Variants in CDK17 observed in about 807,000 individuals in gnomAD.
CDK17 encodes the protein cyclin-dependent kinase 17.
A neutral mutation model predicts 77.6 loss-of-function variants in CDK17; 24 were observed. That is an observed-to-expected ratio of 0.31 (90% CI 0.22 to 0.44). CDK17 has a LOEUF of 0.44. CDK17 is among the 20% of genes least tolerant of loss of function. CDK17 has a pLI of 1.00. For missense variants in CDK17, 429 were observed against 622.5 expected, an observed-to-expected ratio of 0.69 and a Z score of 3.31; for synonymous variants, 203 against 210.4, an observed-to-expected ratio of 0.96 and a Z score of 0.30.
intron 1 of CDK17, among the ~76,000 whole-genome samples, chr12:96,351,856 T>A (rs1422483587): frequency 6.6e-6 from 1 of 152,204 alleles, no homozygotes; most frequent in Admixed American, 6.5e-5. Context: ...TATATCAGGA[T>A]TAGCGCTTTA....
At chr12:96,292,508 G>A (rs1187070919) in intron 10 of CDK17, among the ~76,000 whole-genome samples, 1 of 152,090 alleles carries the variant, frequency 6.6e-6, no homozygotes, top group African/African-American at 2.4e-5. Context: ...GGGAGGCTGA[G>A]GCACCAGAAT....
intron 5 of CDK17, among the ~76,000 whole-genome samples, chr12:96,305,725 CT>C (rs566356134): frequency 1.1e-4 from 16 of 150,966 alleles, no homozygotes; most frequent in Middle Eastern, 3.4e-3. Flanking sequence ...TGGCCACCCC[CT>C]TTTTTTTTGA....
Position 96,279,964 on chromosome 12 carries a change from T to C in CDK17, c.*278A>G. 1 of 345,392 alleles carries C rather than the reference T, an allele frequency of 2.9e-6. No individual in the cohort carries two copies. The highest frequency in any genetic ancestry group is 5.2e-6 in the Non-Finnish European group (1 of 192,034). 21.4% of individuals were successfully genotyped at this position (345,392 alleles called of 1,614,324 possible). On this transcript the variant is annotated 3_prime_UTR_variant, in exon 17 of 17. Transcript: ENST00000261211. ...ATAAATAATGCACTGTGTTTCTCAG[T>C]CCTGCACAAAAATTGCAGCTATAGT...
At chr12:96,294,159 T>C (rs1226835470) in intron 10 of CDK17, among the ~76,000 whole-genome samples, 3 of 152,214 alleles carry the variant, frequency 2.0e-5, no homozygotes, top group Admixed American at 6.5e-5. Context: ...GAGTTTTATG[T>C]ACACTTCCCA....
chr12:96,315,077 C>A (rs891014390), intron 3 of CDK17, among the ~76,000 whole-genome samples: 1 of 152,176 alleles, frequency 6.6e-6, no homozygotes, highest in Non-Finnish European at 1.5e-5. Flanking sequence ...TTCAAGGGAA[C>A]TGCATATTAA....
At position 96,278,502 on chromosome 12, in the gene CDK17, C is replaced by T. The variant is rs191886126; in HGVS notation, c.*1740G>A. On this transcript the variant is annotated 3_prime_UTR_variant, in exon 17 of 17. Transcript: ENST00000261211. Reference sequence around the variant, plus strand: ...CGACCCATAAAAGAAAAGGACCCCACTCGGCACAGCCTTCATCCCCAAGAA... The same window carrying T: ...CGACCCATAAAAGAAAAGGACCCCATTCGGCACAGCCTTCATCCCCAAGAA... 2 of 152,678 alleles carry T rather than the reference C, an allele frequency of 1.3e-5. No individual in the cohort carries two copies. The highest frequency in any genetic ancestry group is 4.8e-5 in the African/African-American group (2 of 41,578). 9.5% of individuals were successfully genotyped at this position (152,678 alleles called of 1,614,324 possible).
chr12:96,365,938 TACTTC>T (rs912450890), intron 1 of CDK17, among the ~76,000 whole-genome samples: 1 of 152,254 alleles, frequency 6.6e-6, no homozygotes, highest in African/African-American at 2.4e-5. Context: ...CTATAAATAG[TACTTC>T]TACAGGAGAC....
At chr12:96,392,898 G>A (rs1474733203) in intron 1 of CDK17, among the ~76,000 whole-genome samples, 1 of 152,170 alleles carries the variant, frequency 6.6e-6, no homozygotes. Flanking sequence ...CAACATTGCT[G>A]TTATCTTATA....
intron 5 of CDK17, among the ~76,000 whole-genome samples, chr12:96,309,295 G>A (rs7312338): frequency 0.86 from 130,579 of 152,218 alleles, 56,036 homozygotes; most frequent in African/African-American, 0.87. Flanking sequence ...GGCCGTTTTT[G>A]ACTGACAAAT....
chr12:96,333,239 G>T (rs568629628), intron 2 of CDK17, among the ~76,000 whole-genome samples: 1 of 152,068 alleles, frequency 6.6e-6, no homozygotes, highest in South Asian at 2.1e-4. Context: ...CTGGCAAGAG[G>T]AACAACAGTA....
chr12:96,382,424 T>C (rs1033376442), intron 1 of CDK17, among the ~76,000 whole-genome samples: 15 of 151,574 alleles, frequency 9.9e-5, no homozygotes, highest in Admixed American at 2.6e-4. Context: ...AGCCGAATTC[T>C]ACCAAACGTA....
chr12:96,376,923 A>G (rs1370701471), intron 1 of CDK17, among the ~76,000 whole-genome samples: 1 of 152,190 alleles, frequency 6.6e-6, no homozygotes, highest in Non-Finnish European at 1.5e-5. Flanking sequence ...AATACTACAA[A>G]ATATACAATT....
chr12:96,342,255 T>C (rs1953133289), intron 1 of CDK17, among the ~76,000 whole-genome samples: 1 of 152,224 alleles, frequency 6.6e-6, no homozygotes, highest in Admixed American at 6.5e-5. Context: ...TATTCTGTTA[T>C]TTTCCCCACA....
At chr12:96,382,954 T>C (rs974534170) in intron 1 of CDK17, among the ~76,000 whole-genome samples, 3 of 151,996 alleles carry the variant, frequency 2.0e-5, no homozygotes, top group African/African-American at 4.8e-5. Context: ...CAAAGGCATC[T>C]GAATAGAGAA....
chr12:96,368,040 C>T (rs892584905), intron 1 of CDK17, among the ~76,000 whole-genome samples: 2 of 151,274 alleles, frequency 1.3e-5, no homozygotes, highest in South Asian at 4.2e-4. Flanking sequence ...GGTGAGTTTA[C>T]GAACAGTCCA....
intron 1 of CDK17, among the ~76,000 whole-genome samples, chr12:96,364,653 C>T (rs188661328): frequency 5.3e-5 from 8 of 152,318 alleles, no homozygotes; most frequent in African/African-American, 1.9e-4. Flanking sequence ...CTTACAACAA[C>T]CACTCTCAGC....
At chr12:96,346,539 A>G (rs1226953344) in intron 1 of CDK17, among the ~76,000 whole-genome samples, 2 of 152,024 alleles carry the variant, frequency 1.3e-5, no homozygotes, top group Non-Finnish European at 2.9e-5. Flanking sequence ...GAGGCAGGAA[A>G]ACTGCTTGAA....
At chr12:96,328,580 G>T (rs1192571354) in intron 2 of CDK17, among the ~76,000 whole-genome samples, 1 of 152,112 alleles carries the variant, frequency 6.6e-6, no homozygotes, top group Admixed American at 6.6e-5. Flanking sequence ...GTAAAGGAGA[G>T]AAAAGAATTG....
chr12:96,285,952 A>G lies in CDK17; in HGVS notation c.1322+91T>C, dbSNP rs1342323842. ...TACGTAAGGGTTATGTGTATTATGT[A>G]TTTTTTCCTGAATCCTTACTGTGGC... On this transcript the variant is annotated intron_variant, in intron 13 of 16. Coordinates refer to ENST00000261211, the MANE Select transcript of CDK17 (RefSeq NM_002595.5). 3 of 670,004 alleles carry G rather than the reference A, an allele frequency of 4.5e-6. No homozygotes were observed. In the East Asian group the frequency reaches 9.5e-5, roughly 21 times the overall value. 41.5% of individuals were successfully genotyped at this position (670,004 alleles called of 1,614,324 possible). A position where few individuals can be genotyped will look rare whatever the true frequency, so the allele number is the denominator to read the frequency against.
Sources: allele counts gnomAD v4.1 joint callset (sites outside exome capture counted in the v4.1 genomes callset), GRCh38; gene constraint gnomAD v4.1.1; transcripts MANE v1.5; gene names NCBI Gene and HGNC (gene_info 2026-07-23, HGNC 2026-07-21).